The following PDE1C variants were observed in gnomAD, a reference collection of about 807,000 sequenced individuals.
PDE1C encodes dual specificity calcium/calmodulin-dependent 3',5'-cyclic nucleotide phosphodiesterase 1C.
A neutral mutation model predicts 93.1 loss-of-function variants in PDE1C; 62 were observed. That is an observed-to-expected ratio of 0.67 (90% CI 0.54 to 0.82). PDE1C has a LOEUF of 0.82. Among genes scored for constraint, PDE1C ranks in the 40% least tolerant of loss-of-function variants. PDE1C has a pLI of 0.00. For synonymous variants in PDE1C, 325 were observed against 310.1 expected, an observed-to-expected ratio of 1.05 and a Z score of -0.50; for missense variants, 742 against 884.6, an observed-to-expected ratio of 0.84 and a Z score of 2.04.
At chr7:31,835,850 C>T (rs1318148358) in intron 11 of PDE1C, among the ~76,000 whole-genome samples, 2 of 151,190 alleles carry the variant, frequency 1.3e-5, no homozygotes, top group Non-Finnish European at 3.0e-5. Context: ...CACACACAGG[C>T]ACACACACAC....
chr7:31,909,198 A>T (rs7795253), intron 2 of PDE1C, among the ~76,000 whole-genome samples: 1 of 152,154 alleles, frequency 6.6e-6, no homozygotes. Flanking sequence ...TAGTCAGTTC[A>T]TCGGGCTCTA....
Position 31,815,970 on chromosome 7 carries a change from C to T in PDE1C, c.1767G>A (p.Gly589=), listed in dbSNP as rs1788200325. Residue 589 remains glycine (G), a synonymous_variant, in exon 15 of 18, where the codon GGG becomes GGA. Coordinates refer to ENST00000396191, the MANE Select transcript of PDE1C (RefSeq NM_001191057.4). ...TRANKSDNPR[G]KNSKAEKSSG... ...ATGACTTCTCGGCTTTGGAGTTTTTCCCACGAGGGTTGTCACTTTTGTTTG... is the reference window on the plus strand; with the variant it reads ...ATGACTTCTCGGCTTTGGAGTTTTTTCCACGAGGGTTGTCACTTTTGTTTG... The T allele has an allele frequency of 1.2e-6, 2 of 1,613,970 alleles. No homozygotes were observed. Among genetic ancestry groups the T allele is most frequent in the Non-Finnish European group, 1.7e-6 (2 of 1,179,892 alleles).
intron 1 of PDE1C, among the ~76,000 whole-genome samples, chr7:32,418,802 T>C (rs1316262576): frequency 6.6e-6 from 1 of 152,194 alleles, no homozygotes; most frequent in Non-Finnish European, 1.5e-5. Flanking sequence ...AGACAGGGCA[T>C]GAAAAACTTT....
In PDE1C at chr7:32,058,398, C is replaced by T. The variant is rs76732136; in HGVS notation, c.102-6818G>A. On this transcript the variant is annotated intron_variant, in intron 1 of 17. Coordinates refer to ENST00000396191, the MANE Select transcript of PDE1C (RefSeq NM_001191057.4). Reference sequence around the variant, plus strand: ...AGTTAACTACAGGTTCTCATGAGTACAGATCACATGTGTTTCACTCATGGG... The same window carrying T: ...AGTTAACTACAGGTTCTCATGAGTATAGATCACATGTGTTTCACTCATGGG... Among the ~76,000 whole-genome samples the T allele has an allele frequency of 9.9e-4, 150 of 152,282 alleles. 2 individuals carry two copies. The East Asian group carries it at 0.026, about 27-fold the overall frequency.
intron 2 of PDE1C, among the ~76,000 whole-genome samples, chr7:31,913,159 T>C (rs1213441613): frequency 6.6e-6 from 1 of 152,150 alleles, no homozygotes; most frequent in African/African-American, 2.4e-5. Context: ...TACAGGTTCA[T>C]TATCATCACA....
chr7:32,094,487 T>C (rs1182571311), intron 3 of PDE1C, among the ~76,000 whole-genome samples: 8 of 152,156 alleles, frequency 5.3e-5, no homozygotes, highest in Non-Finnish European at 8.8e-5. Flanking sequence ...CTAAACAAGT[T>C]CACATATATG....
the PDE1C span, among the ~76,000 whole-genome samples, chr7:31,691,797 TAAA>T: frequency 8.8e-4 from 76 of 86,546 alleles, no homozygotes; most frequent in East Asian, 3.2e-3. Flanking sequence ...ATGTAATGAT[TAAA>T]AAAAAAAAAA....
At chr7:32,414,170 T>C (rs1785227055) in intron 1 of PDE1C, among the ~76,000 whole-genome samples, 1 of 150,090 alleles carries the variant, frequency 6.7e-6, no homozygotes, top group African/African-American at 2.5e-5. Flanking sequence ...CTCTGATTGT[T>C]CCACTGCACT....
At chr7:32,025,119 G>C (rs1222278146) in intron 2 of PDE1C, among the ~76,000 whole-genome samples, 1 of 152,104 alleles carries the variant, frequency 6.6e-6, no homozygotes, top group Non-Finnish European at 1.5e-5. Flanking sequence ...AAAGCACACA[G>C]AGCAGAATCT....
chr7:31,891,255 C>G (rs10279663), intron 2 of PDE1C, among the ~76,000 whole-genome samples: 15,098 of 152,156 alleles, frequency 0.099, 1,076 homozygotes, highest in East Asian at 0.26. Flanking sequence ...AGTCACCTAA[C>G]TACGTCTTTC....
At chr7:31,660,281 T>A in the PDE1C span, among the ~76,000 whole-genome samples, 1 of 152,180 alleles carries the variant, frequency 6.6e-6, no homozygotes, top group Non-Finnish European at 1.5e-5. Context: ...TTAAAATAAA[T>A]TTCTAAAAAC....
chr7:31,757,551 C>A (rs139486119), intron 17 of PDE1C, among the ~76,000 whole-genome samples: 58 of 152,310 alleles, frequency 3.8e-4, no homozygotes, highest in African/African-American at 1.3e-3. Context: ...TACAGATTAA[C>A]TTCATCACTG....
Position 31,903,370 on chromosome 7 carries a change from T to C in PDE1C, c.129-22510A>G, listed in dbSNP as rs7810950. On this transcript the variant is annotated intron_variant, in intron 2 of 17. Transcript: ENST00000396191. ...ATTTATTTTCTGCTAGAAATTAAAG[T>C]CAAGAGATCCTATTTTTACAAAAAG... 4.9e-3 allele frequency among the ~76,000 whole-genome samples: 743 copies of C among 152,092 alleles called. 5 individuals are homozygous for C. Among genetic ancestry groups the C allele is most frequent in the African/African-American group, 0.017 (702 of 41,540 alleles).
At chr7:32,181,764 T>C (rs1373004931) in intron 2 of PDE1C, among the ~76,000 whole-genome samples, 1 of 151,864 alleles carries the variant, frequency 6.6e-6, no homozygotes, top group African/African-American at 2.4e-5. Flanking sequence ...GCAAACATAT[T>C]CAAAAGCTAG....
the PDE1C span, among the ~76,000 whole-genome samples, chr7:31,647,644 A>G: frequency 1.4e-5 from 2 of 141,894 alleles, no homozygotes; most frequent in African/African-American, 5.3e-5. Context: ...ACTGCACTCC[A>G]GCCTGAGCAA....
At chr7:31,792,475 A>C (rs1784698201) in intron 16 of PDE1C, among the ~76,000 whole-genome samples, 2 of 152,166 alleles carry the variant, frequency 1.3e-5, no homozygotes, top group African/African-American at 4.8e-5. Context: ...TGAAACAAAA[A>C]TTTAAAAGAA....
intron 2 of PDE1C, among the ~76,000 whole-genome samples, chr7:31,953,341 G>A (rs1204266039): frequency 6.6e-6 from 1 of 152,112 alleles, no homozygotes; most frequent in Non-Finnish European, 1.5e-5. Context: ...AAGGCAGAGG[G>A]GAAATCTTGG....
chr7:31,739,007 G>GC, the PDE1C span, among the ~76,000 whole-genome samples: 2 of 57,774 alleles, frequency 3.5e-5, no homozygotes, highest in African/African-American at 7.2e-5. Context: ...CCACACCCCT[G>GC]CCCCCCACAT....
At chr7:31,632,858 A>T in the PDE1C span, among the ~76,000 whole-genome samples, 1 of 151,850 alleles carries the variant, frequency 6.6e-6, no homozygotes, top group African/African-American at 2.4e-5. Flanking sequence ...GTCTGGGGAG[A>T]TTTTTATTTT....
Sources: allele counts gnomAD v4.1 joint callset (sites outside exome capture counted in the v4.1 genomes callset), GRCh38; gene constraint gnomAD v4.1.1; transcripts MANE v1.5; gene names NCBI Gene and HGNC (gene_info 2026-07-23, HGNC 2026-07-21).